Variants in C13orf42 observed in about 807,000 individuals in gnomAD.
The protein encoded by C13orf42 is chromosome 13 open reading frame 42.
intron 1 of C13orf42, among the ~76,000 whole-genome samples, chr13:51,104,572 A>G (rs995556664): frequency 7.9e-5 from 12 of 152,210 alleles, no homozygotes; most frequent in African/African-American, 2.9e-4. Context: ...CACTCATTTC[A>G]GGAACCATGA....
intron 3 of C13orf42, among the ~76,000 whole-genome samples, chr13:51,084,529 G>A (rs1056859817): frequency 2.6e-5 from 4 of 152,244 alleles, no homozygotes; most frequent in South Asian, 2.1e-4. Flanking sequence ...GGGGAAGGAC[G>A]GGTGGTGAGG....
chr13:51,089,926 T>C (rs1953165469), intron 1 of C13orf42, among the ~76,000 whole-genome samples: 1 of 151,852 alleles, frequency 6.6e-6, no homozygotes, highest in South Asian at 2.1e-4. Flanking sequence ...ACCAATGTGA[T>C]GGAGCAGGAG....
At chr13:51,121,932 T>C (rs1486264097) in intron 1 of C13orf42, among the ~76,000 whole-genome samples, 1 of 152,166 alleles carries the variant, frequency 6.6e-6, no homozygotes, top group Non-Finnish European at 1.5e-5. Flanking sequence ...CAATAATTAA[T>C]AATGTAAAAA....
chr13:51,084,421 T>C, intron 3 of C13orf42, 96 bp from the exon 4 acceptor site: 1 of 397,090 alleles, frequency 2.5e-6, no homozygotes, highest in Non-Finnish European at 4.4e-6. Flanking sequence ...ATGGAGACCC[T>C]CAGATTGCTG....
At chr13:51,109,311 G>A (rs949938731) in intron 1 of C13orf42, among the ~76,000 whole-genome samples, 1 of 152,222 alleles carries the variant, frequency 6.6e-6, no homozygotes, top group Non-Finnish European at 1.5e-5. Context: ...CAACATTAAT[G>A]GAGTTTGCAC....
chr13:51,134,172 A>C (rs1834697900), intron 1 of C13orf42, among the ~76,000 whole-genome samples: 1 of 152,070 alleles, frequency 6.6e-6, no homozygotes, highest in Non-Finnish European at 1.5e-5. Flanking sequence ...TCTAGCCCAA[A>C]TCCTCACCTC....
At chr13:51,126,739 G>T (rs754618468) in intron 1 of C13orf42, among the ~76,000 whole-genome samples, 12 of 152,196 alleles carry the variant, frequency 7.9e-5, no homozygotes, top group Non-Finnish European at 1.8e-4. Context: ...ACCAGGGGAG[G>T]TTCTTGCCCA....
intron 1 of C13orf42, among the ~76,000 whole-genome samples, chr13:51,127,153 C>T (rs140673449): frequency 2.4e-4 from 36 of 152,018 alleles, no homozygotes; most frequent in African/African-American, 8.4e-4. Flanking sequence ...GACCACAGAG[C>T]AAGACTGTGT....
intron 1 of C13orf42, among the ~76,000 whole-genome samples, chr13:51,122,310 G>T (rs1466400202): frequency 1.3e-5 from 2 of 151,936 alleles, no homozygotes; most frequent in Non-Finnish European, 2.9e-5. Context: ...GAGGCAGGTG[G>T]ATCACTTGAG....
chr13:51,098,945 G>C (rs1953261053), intron 1 of C13orf42, among the ~76,000 whole-genome samples: 4 of 152,008 alleles, frequency 2.6e-5, no homozygotes, highest in Admixed American at 1.3e-4. Flanking sequence ...TGTCAATATT[G>C]GTGATGAAAT....
chr13:51,145,897 C>T (rs1337502701), intron 1 of C13orf42, among the ~76,000 whole-genome samples: 1 of 152,200 alleles, frequency 6.6e-6, no homozygotes, highest in Admixed American at 6.5e-5. Flanking sequence ...TGTGCTCTGA[C>T]CACCTTGGGC....
At chr13:51,114,661 G>GATAGAT (rs1211669416), upstream of C13orf42, among the ~76,000 whole-genome samples, 1 of 102,678 alleles carries the variant, frequency 9.7e-6, no homozygotes, top group Non-Finnish European at 1.9e-5. Context: ...TAGACAGACA[G>GATAGAT]ACAGACAGAC....
Position 51,084,119 on chromosome 13 carries a change from A to T in C13orf42, c.*32T>A. ...AAAGCGGACAGCTTCTCAGGGACCC[A>T]GTCTGAGACACGTCAAGGAATCCAG... is the stretch of plus-strand genomic sequence containing the variant. On this transcript the variant is annotated 3_prime_UTR_variant, in exon 4 of 4. Coordinates refer to ENST00000563710, the MANE Select transcript of C13orf42 (RefSeq NM_001351589.3). The T allele has an allele frequency of 1.0e-5, 4 of 398,668 alleles. No homozygotes were observed. Among genetic ancestry groups the T allele is most frequent in the Non-Finnish European group, 1.8e-5 (4 of 226,068 alleles). 24.7% of individuals were successfully genotyped at this position (398,668 alleles called of 1,614,324 possible).
chr13:51,112,347 C>G (rs923992415), upstream of C13orf42, among the ~76,000 whole-genome samples: 3 of 151,860 alleles, frequency 2.0e-5, no homozygotes, highest in East Asian at 1.9e-4. Context: ...GCTGTTTGCT[C>G]TGTGTGTGTG....
intron 1 of C13orf42, among the ~76,000 whole-genome samples, chr13:51,091,045 G>T (rs1175212264): frequency 6.6e-6 from 1 of 152,104 alleles, no homozygotes; most frequent in East Asian, 1.9e-4. Context: ...TTCAAGACTT[G>T]TGTCACTTTC....
intron 1 of C13orf42, among the ~76,000 whole-genome samples, chr13:51,135,933 C>T (rs1953654334): frequency 6.6e-6 from 1 of 152,230 alleles, no homozygotes; most frequent in Non-Finnish European, 1.5e-5. Context: ...ATTCAGGGCA[C>T]TGGTCACACA....
At chr13:51,148,480 G>A (rs1319746824) in intron 1 of C13orf42, among the ~76,000 whole-genome samples, 1 of 152,250 alleles carries the variant, frequency 6.6e-6, no homozygotes, top group African/African-American at 2.4e-5. Flanking sequence ...AAGCCCCACA[G>A]GGAGGTGACA....
chr13:51,118,126 T>C (rs1379933302), intron 1 of C13orf42, among the ~76,000 whole-genome samples: 1 of 152,216 alleles, frequency 6.6e-6, no homozygotes. Flanking sequence ...TCTGTTGCTA[T>C]AGCAGCTCTG....
intron 1 of C13orf42, among the ~76,000 whole-genome samples, chr13:51,116,938 C>T (rs747979922): frequency 3.3e-5 from 5 of 152,244 alleles, no homozygotes; most frequent in Admixed American, 3.3e-4. Context: ...AAGGTGGACA[C>T]GGCCAAGCCT....
Sources: gnomAD v4.1 joint callset for allele counts (sites outside exome capture counted in the v4.1 genomes callset) on GRCh38, gnomAD v4.1.1 for gene constraint, MANE v1.5 for transcripts, NCBI Gene and HGNC (gene_info 2026-07-23, HGNC 2026-07-21) for gene names.